Variants in NPAS3 observed in about 807,000 individuals in gnomAD.
NPAS3 encodes the protein neuronal PAS domain-containing protein 3.
NPAS3 carries 14 observed loss-of-function variants against 73.1 expected under a neutral mutation model. The observed-to-expected ratio is 0.19, with a 90% CI of 0.13 to 0.30. The LOEUF is 0.30. NPAS3 is among the 10% of genes least tolerant of loss of function. The pLI, the probability that NPAS3 is intolerant of heterozygous loss-of-function variation, is 1.00. For synonymous variants in NPAS3, 620 were observed against 541.5 expected (o/e 1.14, Z -2.01); for missense variants, 1,096 against 1,250.0 (o/e 0.88, Z 1.86).
intron 4 of NPAS3, among the ~76,000 whole-genome samples, chr14:33,494,313 T>C (rs1270514547): frequency 6.6e-6 from 1 of 152,174 alleles, no homozygotes; most frequent in Non-Finnish European, 1.5e-5. Context: ...TTATGTGTTC[T>C]GCAAGCATAG....
chr14:33,034,134 G>T (rs1566487766), intron 1 of NPAS3, among the ~76,000 whole-genome samples: 1 of 151,702 alleles, frequency 6.6e-6, no homozygotes, highest in African/African-American at 2.4e-5. Flanking sequence ...GGGGTTAATG[G>T]TTATTTCTTA....
chr14:32,979,420 GA>G (rs1484372161), intron 1 of NPAS3, among the ~76,000 whole-genome samples: 1 of 152,028 alleles, frequency 6.6e-6, no homozygotes, highest in Non-Finnish European at 1.5e-5. Context: ...TTAATAATTG[GA>G]AAAAATCCTT....
chr14:33,638,742 C>A (rs1464581062), intron 5 of NPAS3, among the ~76,000 whole-genome samples: 1 of 152,180 alleles, frequency 6.6e-6, no homozygotes, highest in Non-Finnish European at 1.5e-5. Flanking sequence ...AGCCACGTAA[C>A]TGTTAGAGCA....
At chr14:33,692,836 TAAA>T (rs34684535) in intron 6 of NPAS3, among the ~76,000 whole-genome samples, 2,989 of 63,920 alleles carry the variant, frequency 0.047, 165 homozygotes, top group African/African-American at 0.15. Context: ...CCCAATGTCT[TAAA>T]AAAAAAAAAA....
rs527759622 is a variant in NPAS3, at chr14:33,432,568, G to C, written c.468+65300G>C. ...CCATGTTGACTCCACTTTGAACAGT[G>C]GCCTCATTTCTCATGTTCTGTTTCA... On this transcript the variant is annotated intron_variant, in intron 4 of 11. Transcript: ENST00000356141. 7.9e-5 allele frequency among the ~76,000 whole-genome samples: 12 copies of C among 152,170 alleles called. No individual in the cohort carries two copies. In the East Asian group the frequency reaches 1.2e-3, roughly 15 times the overall value.
chr14:33,562,238 C>T (rs2055685821), intron 5 of NPAS3, among the ~76,000 whole-genome samples: 1 of 152,162 alleles, frequency 6.6e-6, no homozygotes, highest in African/African-American at 2.4e-5. Flanking sequence ...AAATCTGAGA[C>T]AAATAATTGA....
intron 3 of NPAS3, among the ~76,000 whole-genome samples, chr14:33,309,455 G>A (rs1048641645): frequency 2.0e-5 from 3 of 152,220 alleles, no homozygotes; most frequent in African/African-American, 7.2e-5. Context: ...ATGTCCAGGA[G>A]GCTCTCAAAT....
At chr14:33,403,260 T>C (rs905304177) in intron 4 of NPAS3, among the ~76,000 whole-genome samples, 14 of 152,060 alleles carry the variant, frequency 9.2e-5, no homozygotes, top group African/African-American at 2.9e-4. Context: ...AAGAAAGTTA[T>C]AGAAAGCTTG....
At chr14:33,706,652 A>G (rs964516686) in intron 6 of NPAS3, among the ~76,000 whole-genome samples, 4 of 152,188 alleles carry the variant, frequency 2.6e-5, no homozygotes, top group African/African-American at 4.8e-5. Flanking sequence ...TCAAAGTATT[A>G]TATTACTTTG....
intron 4 of NPAS3, among the ~76,000 whole-genome samples, chr14:33,528,399 A>C (rs1395109356): frequency 6.6e-6 from 1 of 151,756 alleles, no homozygotes; most frequent in Non-Finnish European, 1.5e-5. Flanking sequence ...AAGGGCGCTC[A>C]CAATCTAGTG....
intron 3 of NPAS3, among the ~76,000 whole-genome samples, chr14:33,272,687 G>T (rs1159385993): frequency 6.6e-6 from 1 of 152,112 alleles, no homozygotes; most frequent in Non-Finnish European, 1.5e-5. Flanking sequence ...AAAGTGCTGG[G>T]ATTACAGATG....
At chr14:33,612,328 C>A in intron 5 of NPAS3, 1 of 449,954 alleles carries the variant, frequency 2.2e-6, no homozygotes, top group Non-Finnish European at 4.5e-6. Context: ...ACACATCCAG[C>A]TGAGCCCCTT....
At chr14:33,463,863 T>C (rs542996159) in intron 4 of NPAS3, among the ~76,000 whole-genome samples, 1 of 152,296 alleles carries the variant, frequency 6.6e-6, no homozygotes, top group African/African-American at 2.4e-5. Flanking sequence ...TTTAGAGTAA[T>C]GGGTTCTGTA....
At chr14:33,658,809 T>C (rs2059223904) in intron 5 of NPAS3, among the ~76,000 whole-genome samples, 1 of 152,164 alleles carries the variant, frequency 6.6e-6, no homozygotes, top group Admixed American at 6.5e-5. Context: ...CCCCCACTAA[T>C]AGTGTATTAA....
intron 5 of NPAS3, among the ~76,000 whole-genome samples, chr14:33,625,529 A>AC (rs767424296): frequency 9.2e-5 from 14 of 152,230 alleles, no homozygotes; most frequent in Non-Finnish European, 1.6e-4. Flanking sequence ...TTTTTGGTGA[A>AC]CAACTATATG....
At chr14:33,408,126 G>A (rs886377429) in intron 4 of NPAS3, among the ~76,000 whole-genome samples, 3 of 152,130 alleles carry the variant, frequency 2.0e-5, no homozygotes, top group Non-Finnish European at 4.4e-5. Flanking sequence ...TGCTAATCGA[G>A]AAGAGTACTT....
intron 6 of NPAS3, among the ~76,000 whole-genome samples, chr14:33,708,515 C>T (rs1003829060): frequency 2.0e-5 from 3 of 152,072 alleles, no homozygotes; most frequent in Non-Finnish European, 2.9e-5. Context: ...AATAAAAGGC[C>T]ATTTCTTTCT....
chr14:33,540,813 T>C (rs962483352), intron 4 of NPAS3, among the ~76,000 whole-genome samples: 1 of 152,118 alleles, frequency 6.6e-6, no homozygotes, highest in Non-Finnish European at 1.5e-5. Flanking sequence ...AGTAAAATGA[T>C]GAGACTGTCT....
chr14:33,686,737 C>T (rs553832187), intron 6 of NPAS3, among the ~76,000 whole-genome samples: 2 of 152,300 alleles, frequency 1.3e-5, no homozygotes, highest in African/African-American at 4.8e-5. Context: ...AGCCCCCATA[C>T]TTAACCCTTC....
Sources: gnomAD v4.1 joint callset for allele counts (sites outside exome capture counted in the v4.1 genomes callset) on GRCh38, gnomAD v4.1.1 for gene constraint, MANE v1.5 for transcripts, NCBI Gene and HGNC (gene_info 2026-07-23, HGNC 2026-07-21) for gene names.